MYH14: variants seen among roughly 807,000 people sequenced by gnomAD.
The protein encoded by MYH14 is myosin heavy chain 14.
A neutral mutation model predicts 255.5 loss-of-function variants in MYH14; 123 were observed. The observed-to-expected ratio is 0.48, with a 90% CI of 0.42 to 0.56. The LOEUF is 0.56. Among genes scored for constraint, MYH14 ranks in the 20% least tolerant of loss-of-function variants. The pLI, the probability that MYH14 is intolerant of heterozygous loss-of-function variation, is 0.00. For synonymous variants in MYH14, 1,095 were observed against 1,161.2 expected (o/e 0.94, Z 1.16); for missense variants, 2,423 against 2,802.3 (o/e 0.86, Z 3.06).
intron 10 of MYH14, 63 bp downstream of exon 10, chr19:50,232,133 C>T: frequency 6.3e-7 from 1 of 1,586,236 alleles, no homozygotes; most frequent in South Asian, 1.1e-5. Context: ...GGGACCTGGC[C>T]ATTCATGCCC....
chr19:50,251,563 C>CAT (rs1395229662), intron 15 of MYH14, among the ~76,000 whole-genome samples: 1 of 104,074 alleles, frequency 9.6e-6, no homozygotes, highest in African/African-American at 3.6e-5. Context: ...CACACACACA[C>CAT]ACACACATAT....
intron 41 of MYH14, among the ~76,000 whole-genome samples, chr19:50,307,577 T>C (rs1375687065): frequency 6.6e-6 from 1 of 152,192 alleles, no homozygotes; most frequent in African/African-American, 2.4e-5. Context: ...AAAGGTGAAG[T>C]AACTTGCTCA....
At chr19:50,224,052 A>ACCCCCCCTCCCCCC in intron 5 of MYH14, 102 bp from the exon 6 acceptor site, 1 of 362,146 alleles carries the variant, frequency 2.8e-6, no homozygotes, top group African/African-American at 8.5e-5. Flanking sequence ...CCCTTCCCCC[A>ACCCCCCCTCCCCCC]CCCCCCATGC....
At position 50,289,835 on chromosome 19, in the gene MYH14, G is replaced by A. The variant is rs1397170462; in HGVS notation, c.4965+187G>A. ...GTGTCTCCCCACCCACCTGCCACTC[G>A]GTGTCTCCCCACCTGCCTGCCACTC... On this transcript the variant is annotated intron_variant, in intron 35 of 42. Transcript: ENST00000642316. Among the ~76,000 whole-genome samples, 7 of 150,556 alleles carry A rather than the reference G, an allele frequency of 4.6e-5. No homozygotes were observed. In the East Asian group the frequency reaches 9.9e-4, roughly 21 times the overall value.
intron 2 of MYH14, 82 bp downstream of exon 2, chr19:50,210,852 A>G: frequency 2.6e-6 from 4 of 1,515,174 alleles, no homozygotes; most frequent in Non-Finnish European, 3.5e-6. Flanking sequence ...GCTCCCCTGC[A>G]TTAACTTGAG....
intron 10 of MYH14, among the ~76,000 whole-genome samples, chr19:50,233,597 G>A (rs76789811): frequency 0.021 from 3,255 of 152,272 alleles, 122 homozygotes; most frequent in African/African-American, 0.074. Context: ...TGATTGTCTT[G>A]TGGTTCTGGA....
intron 22 of MYH14, among the ~76,000 whole-genome samples, chr19:50,265,322 G>A (rs1305674698): frequency 2.0e-5 from 3 of 150,818 alleles, no homozygotes; most frequent in Non-Finnish European, 4.4e-5. Context: ...GACCAGCCTG[G>A]GCAACAAAGT....
intron 24 of MYH14, among the ~76,000 whole-genome samples, chr19:50,270,614 C>CA (rs2035261946): frequency 6.6e-6 from 1 of 151,412 alleles, no homozygotes; most frequent in Non-Finnish European, 1.5e-5. Context: ...CCAGTGTGCC[C>CA]AATGACTGTC....
rs559470280 is a variant in MYH14 at position 50,250,113 on chromosome 19, T to G, written c.1656+290T>G. Reference sequence around the variant, plus strand: ...TGTTTGTTTTGTTTTGTTTTGTTTTTTTCTTGAGACGGAGTCTCGCTCTAT... The same window carrying G: ...TGTTTGTTTTGTTTTGTTTTGTTTTGTTCTTGAGACGGAGTCTCGCTCTAT... On this transcript the variant is annotated intron_variant, in intron 14 of 42. Coordinates refer to ENST00000642316, the MANE Select transcript of MYH14 (RefSeq NM_001145809.2). The surrounding 1 kb of genome is among the most constrained non-coding windows in gnomAD (Gnocchi z 5.4). Among the ~76,000 whole-genome samples the G allele has an allele frequency of 6.6e-6, 1 of 151,906 alleles. No homozygotes were observed.
chr19:50,269,139 T>A (rs1333638045), intron 24 of MYH14, among the ~76,000 whole-genome samples: 2 of 152,200 alleles, frequency 1.3e-5, no homozygotes, highest in African/African-American at 4.8e-5. Context: ...AGTTCATCAG[T>A]CCACATCAGC....
At position 50,230,873 on chromosome 19, in the gene MYH14, C is replaced by T. The variant is rs1412359358; in HGVS notation, c.973+250C>T. The stretch of plus-strand genomic sequence containing the variant: ...CCCGCTGTCACGGCCACGCAGCCCC[C>T]GCCGCCTGGTGGCTCCTGCTCACGC... On this transcript the variant is annotated intron_variant, in intron 9 of 42. Coordinates refer to ENST00000642316, the MANE Select transcript of MYH14 (RefSeq NM_001145809.2). The surrounding 1 kb of genome is among the most constrained non-coding windows in gnomAD (Gnocchi z 4.7). 8.2e-6 allele frequency: 4 copies of T among 489,456 alleles called. No homozygotes were observed. In the East Asian group the frequency reaches 1.0e-4, roughly 13 times the overall value. 30.3% of individuals were successfully genotyped at this position (489,456 alleles called of 1,614,324 possible).
chr19:50,244,382 A>G, intron 11 of MYH14, 45 bp downstream of exon 11: 2 of 1,548,418 alleles, frequency 1.3e-6, no homozygotes, highest in South Asian at 2.2e-5. Context: ...GCCCCCGCCC[A>G]GGTGGTGCCC....
intron 3 of MYH14, among the ~76,000 whole-genome samples, chr19:50,219,058 A>C (rs117702825): frequency 0.028 from 3,906 of 140,912 alleles, 64 homozygotes; most frequent in Middle Eastern, 0.049. Flanking sequence ...CTCTCTCTAT[A>C]TATATATATA....
chr19:50,257,475 C>A lies in MYH14; in HGVS notation c.2221C>A (p.His741Asn). 1 of 1,602,282 alleles carries A rather than the reference C, an allele frequency of 6.2e-7. No homozygotes were observed. The highest frequency in any genetic ancestry group is 8.5e-7 in the Non-Finnish European group (1 of 1,174,072). ...TTTTGTCCGCTGCATTGTCCCCAAC[C>A]ACGAGAAGAGGGTGAGTGACTCAGC... ...PSFVRCIVPN[H>N]EKRAGKLEPR... Residue 741 changes from histidine (H) to asparagine (N), a missense_variant, in exon 18 of 43, where the codon CAC becomes AAC. Physicochemically the swap from His to Asn is moderately conservative, Grantham distance 68 (BLOSUM62 1). Around this residue, in one of 3 missense-constraint regions of MYH14, gnomAD observed 672 missense variants for 881.8 expected, o/e 0.76. Coordinates refer to ENST00000642316, the MANE Select transcript of MYH14 (RefSeq NM_001145809.2).
At chr19:50,219,044 C>T (rs989641287) in intron 3 of MYH14, among the ~76,000 whole-genome samples, 5 of 140,158 alleles carry the variant, frequency 3.6e-5, no homozygotes, top group Admixed American at 3.5e-4. Flanking sequence ...GGGATATATA[C>T]TCTCTCTCTC....
chr19:50,309,169 C>T lies in MYH14; in HGVS notation c.5952C>T (p.Asn1984=), dbSNP rs750892332. 1.4e-5 allele frequency: 22 copies of T among 1,613,750 alleles called. No homozygotes were observed. The East Asian group carries it at 4.9e-4, about 36-fold the overall frequency. Residue 1984 remains asparagine, a synonymous_variant, in exon 42 of 43, where the codon AAC becomes AAT. Transcript: ENST00000642316. ...SMNREVTTLR[N]RLRRGPLTFT... Reference sequence around the variant, plus strand: ...ACCGTGAAGTGACCACACTGAGGAACCGGCTTCGGTATGGTCATCCCACGT... The same window carrying T: ...ACCGTGAAGTGACCACACTGAGGAATCGGCTTCGGTATGGTCATCCCACGT...
intron 24 of MYH14, among the ~76,000 whole-genome samples, chr19:50,270,721 G>T (rs544441139): frequency 6.7e-6 from 1 of 149,132 alleles, no homozygotes; most frequent in East Asian, 2.0e-4. Context: ...TTGAGACAGA[G>T]TCTCACTCTG....
At chr19:50,286,784 A>G in intron 34 of MYH14, 90 bp downstream of exon 34, 1 of 1,256,210 alleles carries the variant, frequency 8.0e-7, no homozygotes, top group Non-Finnish European at 1.1e-6. Flanking sequence ...ATGAAAAACA[A>G]CCAGCCATCA....
In MYH14 at chr19:50,307,070, G is replaced by A. The variant is rs1421695733; in HGVS notation, c.5700G>A (p.Lys1900=). The A allele has an allele frequency of 8.4e-6, 13 of 1,551,022 alleles. No individual in the cohort carries two copies. The highest frequency in any genetic ancestry group is 1.1e-5 in the Non-Finnish European group (13 of 1,146,866). The change falls in exon 41 of 43, where the codon AAG becomes AAA. Residue 1900 remains lysine, a synonymous_variant. Transcript: ENST00000642316. The stretch of plus-strand genomic sequence containing the variant: ...TCAGAGAGCGCATCCTCTCTGGAAA[G>A]CTGGTGCGCAGAGCTGAGAAGCGGC... ...QETRERILSG[K]LVRRAEKRLK... is the part of the protein sequence containing the mutation.
Sources: allele counts gnomAD v4.1 joint callset (sites outside exome capture counted in the v4.1 genomes callset), GRCh38; gene constraint gnomAD v4.1.1; regional missense constraint gnomAD v4.1.1; non-coding constraint Gnocchi (gnomAD v3.1); transcripts MANE v1.5; gene names NCBI Gene and HGNC (gene_info 2026-07-23, HGNC 2026-07-21).